CTIF: variants seen among roughly 807,000 people sequenced by gnomAD.
CTIF encodes the protein CBP80/20-dependent translation initiation factor.
A neutral mutation model predicts 66.0 loss-of-function variants in CTIF; 21 were observed. The ratio of observed to expected loss-of-function variants is 0.32; its 90% CI spans 0.23 to 0.46. CTIF has a LOEUF of 0.46. CTIF is among the 20% of genes least tolerant of loss of function. CTIF has a pLI of 1.00. For missense variants in CTIF, 739 were observed against 812.7 expected, an observed-to-expected ratio of 0.91 and a Z score of 1.10; for synonymous variants, 345 against 326.4, an observed-to-expected ratio of 1.06 and a Z score of -0.62.
chr18:48,567,641 A>G (rs2089307759), intron 1 of CTIF: 1 of 152,306 alleles, frequency 6.6e-6, no homozygotes, highest in Non-Finnish European at 1.5e-5. Context: ...GGCTTCCTGG[A>G]GGAGGTGTCT....
chr18:48,676,608 C>T (rs570604621), intron 6 of CTIF, among the ~76,000 whole-genome samples: 54 of 152,158 alleles, frequency 3.5e-4, no homozygotes, highest in African/African-American at 1.2e-3. Flanking sequence ...CAACAGTGGA[C>T]GCCACCCGGT....
At chr18:48,559,361 C>G (rs953365576) in intron 1 of CTIF, among the ~76,000 whole-genome samples, 1 of 152,088 alleles carries the variant, frequency 6.6e-6, no homozygotes, top group Non-Finnish European at 1.5e-5. Flanking sequence ...CTACCACCCC[C>G]CCCAATCCTA....
At chr18:48,635,600 T>G (rs12955352) in intron 2 of CTIF, among the ~76,000 whole-genome samples, 1 of 151,944 alleles carries the variant, frequency 6.6e-6, no homozygotes, top group African/African-American at 2.4e-5. Flanking sequence ...TGCTGGATTA[T>G]AGGTGTGAGC....
At chr18:48,789,483 G>A (rs2067745720) in intron 9 of CTIF, among the ~76,000 whole-genome samples, 1 of 152,180 alleles carries the variant, frequency 6.6e-6, no homozygotes, top group Non-Finnish European at 1.5e-5. Context: ...ATAGTGAAAG[G>A]AATTTTAATT....
intron 9 of CTIF, among the ~76,000 whole-genome samples, chr18:48,803,982 G>A (rs184740962): frequency 7.2e-5 from 11 of 152,318 alleles, no homozygotes; most frequent in African/African-American, 1.4e-4. Context: ...GGGACAGGCT[G>A]TGTCCTAGGG....
chr18:48,709,681 G>GC (rs1284140820), intron 6 of CTIF, among the ~76,000 whole-genome samples: 3 of 152,226 alleles, frequency 2.0e-5, no homozygotes, highest in African/African-American at 7.2e-5. Flanking sequence ...AAGGGGGCCA[G>GC]CCCAGAGCCT....
chr18:48,648,030 G>A (rs1469582258), intron 3 of CTIF, among the ~76,000 whole-genome samples: 3 of 152,192 alleles, frequency 2.0e-5, no homozygotes, highest in Admixed American at 1.3e-4. Flanking sequence ...CAGTTGAGGA[G>A]GATCCCATTA....
At chr18:48,692,864 C>T (rs539624026) in intron 6 of CTIF, among the ~76,000 whole-genome samples, 1 of 152,288 alleles carries the variant, frequency 6.6e-6, no homozygotes, top group East Asian at 1.9e-4. Context: ...TTTAAAATCT[C>T]CTCAGGTCAT....
intron 9 of CTIF, among the ~76,000 whole-genome samples, chr18:48,789,759 G>GA (rs1408346480): frequency 3.3e-5 from 5 of 152,160 alleles, no homozygotes; most frequent in African/African-American, 1.2e-4. Flanking sequence ...AAGGAATCTT[G>GA]AAAAAAGAAC....
intron 7 of CTIF, among the ~76,000 whole-genome samples, chr18:48,717,613 A>T (rs112622477): frequency 6.6e-6 from 1 of 152,060 alleles, no homozygotes; most frequent in Non-Finnish European, 1.5e-5. Context: ...GCACTCAATT[A>T]TATACTTTAA....
intron 7 of CTIF, 124 bp from the exon 8 acceptor site, chr18:48,757,795 A>T (rs1292273143): frequency 2.9e-5 from 38 of 1,300,502 alleles, no homozygotes; most frequent in Non-Finnish European, 3.8e-5. Context: ...GTGCTCAGGA[A>T]GTGTTTGTTG....
intron 9 of CTIF, among the ~76,000 whole-genome samples, chr18:48,810,404 A>G (rs1369495083): frequency 2.6e-5 from 4 of 152,090 alleles, no homozygotes; most frequent in Admixed American, 6.5e-5. Flanking sequence ...AGATAATCTA[A>G]TACAGGTATT....
chr18:48,542,277 T>C (rs2088639430), intron 1 of CTIF, among the ~76,000 whole-genome samples: 1 of 152,244 alleles, frequency 6.6e-6, no homozygotes, highest in East Asian at 1.9e-4. Flanking sequence ...TAAATGTATA[T>C]GGTATGCCTG....
chr18:48,716,857 C>T (rs1467093590), intron 7 of CTIF, among the ~76,000 whole-genome samples: 3 of 152,106 alleles, frequency 2.0e-5, no homozygotes, highest in Non-Finnish European at 2.9e-5. Flanking sequence ...AGTGAGGTCT[C>T]GGAATGGTTA....
intron 3 of CTIF, among the ~76,000 whole-genome samples, chr18:48,650,439 A>G (rs1300715981): frequency 6.6e-6 from 1 of 152,182 alleles, no homozygotes; most frequent in African/African-American, 2.4e-5. Context: ...AAAAAGAATA[A>G]AAAGAAACAA....
intron 7 of CTIF, among the ~76,000 whole-genome samples, chr18:48,746,364 G>A (rs1188845002): frequency 6.6e-6 from 1 of 151,938 alleles, no homozygotes; most frequent in Non-Finnish European, 1.5e-5. Context: ...CCTCTGAGAT[G>A]CTTATGTTTG....
intron 10 of CTIF, among the ~76,000 whole-genome samples, chr18:48,856,013 G>C (rs1045108999): frequency 2.6e-5 from 4 of 152,198 alleles, no homozygotes; most frequent in Non-Finnish European, 5.9e-5. Context: ...TGGCAGGAGG[G>C]GACGGCATTG....
chr18:48,682,446 T>C (rs1015811266), intron 6 of CTIF, among the ~76,000 whole-genome samples: 1 of 152,176 alleles, frequency 6.6e-6, no homozygotes, highest in Non-Finnish European at 1.5e-5. Flanking sequence ...CCAGAAACTC[T>C]GGGAGAGGGG....
At chr18:48,664,710 TCTC>T (rs2091406957) in intron 5 of CTIF, among the ~76,000 whole-genome samples, 159 bp downstream of exon 5, 1 of 90,472 alleles carries the variant, frequency 1.1e-5, no homozygotes, top group African/African-American at 2.7e-5. Flanking sequence ...CTCACTGGCT[TCTC>T]CTGGAATCCC....
Sources: allele counts gnomAD v4.1 joint callset (sites outside exome capture counted in the v4.1 genomes callset), GRCh38; gene constraint gnomAD v4.1.1; transcripts MANE v1.5; gene names NCBI Gene and HGNC (gene_info 2026-07-23, HGNC 2026-07-21).